PVALEF: variants seen among roughly 807,000 people sequenced by gnomAD.
PVALEF encodes the protein parvalbumin-like EF-hand-containing protein.
Under a neutral mutation model 1.2 loss-of-function variants are expected in PVALEF, and 2 were observed. The ratio of observed to expected loss-of-function variants is 1.68; its 90% confidence interval spans 0.69 to 5.28. PVALEF has a LOEUF of 5.28. Among genes scored for constraint, PVALEF ranks in the 30% most tolerant of loss-of-function variants. The pLI is 0.06. For synonymous variants in PVALEF, 16 were observed against 6.5 expected, an observed-to-expected ratio of 2.47 and a Z score of -2.24; for missense variants, 35 against 17.7, an observed-to-expected ratio of 1.97 and a Z score of -1.75.
In PVALEF at chr17:81,166,831, G is replaced by T. The variant is rs774332888; in HGVS notation, c.-353G>T. The T allele has an allele frequency of 2.2e-6, 1 of 449,594 alleles. No individual in the cohort carries two copies. The highest frequency in any genetic ancestry group is 4.5e-6 in the Non-Finnish European group (1 of 222,428). 27.9% of individuals were successfully genotyped at this position (449,594 alleles called of 1,614,324 possible). On this transcript the variant is annotated 5_prime_UTR_variant, in exon 2 of 7. Coordinates refer to ENST00000637878, the MANE Select transcript of PVALEF (RefSeq NM_001354639.2). ...GAACCTGGCTGAGTCTCCACCTGCC[G>T]TGGACTGTACCAGGTGCTTAGGGCA... is the stretch of plus-strand genomic sequence containing the variant.
At chr17:81,169,948 G>A (rs960157196) in intron 2 of PVALEF, among the ~76,000 whole-genome samples, 5 of 151,860 alleles carry the variant, frequency 3.3e-5, no homozygotes, top group African/African-American at 9.7e-5. Flanking sequence ...ATATGTGTAG[G>A]CACGTGTGTC....
At chr17:81,167,426 GC>G (rs561776734) in intron 2 of PVALEF, among the ~76,000 whole-genome samples, 262 of 152,294 alleles carry the variant, frequency 1.7e-3, no homozygotes, top group Admixed American at 3.3e-3. Context: ...CCTTGGCAAG[GC>G]CCAGTTGGGG....
chr17:81,177,461 C>T (rs9909027), intron 2 of PVALEF, among the ~76,000 whole-genome samples: 35,692 of 151,314 alleles, frequency 0.24, 4,543 homozygotes, highest in Non-Finnish European at 0.28. Context: ...GACAGGAGAA[C>T]TGCTTGAACC....
chr17:81,181,032 A>T, intron 3 of PVALEF, 91 bp from the exon 4 acceptor site: 1 of 532,382 alleles, frequency 1.9e-6, no homozygotes. Flanking sequence ...CTGTGCCCAG[A>T]CCCCCACCTG....
chr17:81,179,709 G>A (rs1396343050), intron 3 of PVALEF, among the ~76,000 whole-genome samples: 1 of 152,156 alleles, frequency 6.6e-6, no homozygotes, highest in Non-Finnish European at 1.5e-5. Flanking sequence ...ATCTGCCCTT[G>A]GAGACTGGGT....
intron 2 of PVALEF, among the ~76,000 whole-genome samples, 161 bp from the exon 3 acceptor site, chr17:81,178,757 G>C (rs369282185): frequency 6.6e-6 from 1 of 152,130 alleles, no homozygotes; most frequent in Non-Finnish European, 1.5e-5. Flanking sequence ...TGTACAACCC[G>C]CTGCACTGGA....
Position 81,168,943 on chromosome 17 carries a change from T to C in PVALEF, c.-340+2099T>C, listed in dbSNP as rs896319746. Among the ~76,000 whole-genome samples the C allele has an allele frequency of 2.6e-5, 4 of 152,194 alleles. 1 individual carries two copies. Among genetic ancestry groups the C allele is most frequent in the African/African-American group, 9.7e-5 (4 of 41,440 alleles). ...CATACGATGCAATGGTATTGGTCCA[T>C]ACACAGGACCAAAGCTCTGACCACA... On this transcript the variant is annotated intron_variant, in intron 2 of 6. Coordinates refer to ENST00000637878, the MANE Select transcript of PVALEF (RefSeq NM_001354639.2).
At chr17:81,167,023 T>C (rs564330242) in intron 2 of PVALEF, among the ~76,000 whole-genome samples, 179 bp downstream of exon 2, 83 of 152,284 alleles carry the variant, frequency 5.5e-4, no homozygotes, top group African/African-American at 1.9e-3. Context: ...CTGGTCCCAG[T>C]GGCTCATGCC....
At chr17:81,168,328 G>T (rs767002804) in intron 2 of PVALEF, among the ~76,000 whole-genome samples, 2 of 152,204 alleles carry the variant, frequency 1.3e-5, no homozygotes, top group African/African-American at 2.4e-5. Flanking sequence ...CAGCTCAGGG[G>T]CTTCAAGCTG....
At chr17:81,174,745 T>A (rs192246946) in intron 2 of PVALEF, among the ~76,000 whole-genome samples, 2 of 152,084 alleles carry the variant, frequency 1.3e-5, no homozygotes, top group African/African-American at 4.8e-5. Flanking sequence ...GTCAGGAGAT[T>A]GAGACCATCC....
At chr17:81,166,024 A>T (rs1379259633) in intron 1 of PVALEF, 10 of 1,522,738 alleles carry the variant, frequency 6.6e-6, no homozygotes, top group Non-Finnish European at 7.9e-6. Flanking sequence ...GCATCCCGGG[A>T]GGGCGCTGCG....
intron 2 of PVALEF, among the ~76,000 whole-genome samples, chr17:81,168,886 A>T (rs2061508469): frequency 6.6e-6 from 1 of 152,230 alleles, no homozygotes; most frequent in South Asian, 2.1e-4. Flanking sequence ...ATGCCCATCC[A>T]CAGATAAACC....
At chr17:81,178,862 G>A (rs972582270) in intron 2 of PVALEF, 56 bp from the exon 3 acceptor site, 5 of 222,756 alleles carry the variant, frequency 2.2e-5, no homozygotes, top group Admixed American at 5.6e-5. Flanking sequence ...AGCTGGCCTC[G>A]GTCACCTGCT....
At chr17:81,174,777 G>A (rs964796394) in intron 2 of PVALEF, among the ~76,000 whole-genome samples, 20 of 151,616 alleles carry the variant, frequency 1.3e-4, no homozygotes, top group African/African-American at 4.6e-4. Context: ...GTGAAACCCT[G>A]TCTCTACTAA....
chr17:81,182,568 G>A (rs537033664), intron 6 of PVALEF, among the ~76,000 whole-genome samples: 2 of 152,184 alleles, frequency 1.3e-5, no homozygotes, highest in African/African-American at 4.8e-5. Flanking sequence ...GGCTTGACAG[G>A]CATCCTGACC....
intron 2 of PVALEF, among the ~76,000 whole-genome samples, chr17:81,169,381 C>CCT (rs774824973): frequency 1.0e-3 from 153 of 151,634 alleles, no homozygotes; most frequent in Non-Finnish European, 1.8e-3. Context: ...GGGCGGACCG[C>CCT]GAGGTCAGGA....
chr17:81,170,106 G>A (rs1366384880), intron 2 of PVALEF, among the ~76,000 whole-genome samples: 1 of 150,162 alleles, frequency 6.7e-6, no homozygotes, highest in African/African-American at 2.5e-5. Flanking sequence ...TGGTTTGTGT[G>A]TCTGCATATG....
rs369456061 is a variant in PVALEF at position 81,179,172 on chromosome 17, G to A, written c.-105+20G>A. The A allele has an allele frequency of 3.0e-6, 1 of 328,118 alleles. No homozygotes were observed. The allele number at this position is 328,118 out of a possible 1,614,324, so 20.3% of individuals were successfully genotyped here. On this transcript the variant is annotated intron_variant, in intron 3 of 6. Transcript: ENST00000637878. ...GCAGAGGTAAGCCCTGCCAAGGAGG[G>A]GGGTGTGGGTCTCTGGCCGCTGAGG...
intron 6 of PVALEF, among the ~76,000 whole-genome samples, 168 bp from the exon 7 acceptor site, chr17:81,182,797 G>A (rs944346947): frequency 9.2e-5 from 14 of 152,352 alleles, no homozygotes; most frequent in African/African-American, 3.1e-4. Context: ...GGCCGCCCCC[G>A]GCCAGATGGG....
Sources: allele counts gnomAD v4.1 joint callset (sites outside exome capture counted in the v4.1 genomes callset), GRCh38; gene constraint gnomAD v4.1.1; transcripts MANE v1.5; gene names NCBI Gene and HGNC (gene_info 2026-07-23, HGNC 2026-07-21).